Variants in AGO1 observed in about 807,000 individuals in gnomAD.
The protein encoded by AGO1 is protein argonaute-1.
A neutral mutation model predicts 109.2 loss-of-function variants in AGO1; 11 were observed. The observed-to-expected ratio is 0.10, with a 90% confidence interval of 0.06 to 0.17. The LOEUF is 0.17. AGO1 is among the 10% of genes least tolerant of loss of function. AGO1 has a pLI of 1.00. For synonymous variants in AGO1, 422 were observed against 418.6 expected (o/e 1.01, Z -0.10); for missense variants, 574 against 1,140.3 (o/e 0.50, Z 7.15).
intron 1 of AGO1, among the ~76,000 whole-genome samples, chr1:35,878,185 G>A (rs929481875): frequency 2.6e-5 from 4 of 151,860 alleles, no homozygotes; most frequent in Non-Finnish European, 4.4e-5. Flanking sequence ...CCGGATTCAC[G>A]CCATTCTCCT....
In AGO1 at chr1:35,928,006, C is replaced by G. The variant is rs1645962442; in HGVS notation, c.*8399C>G. On this transcript the variant is annotated 3_prime_UTR_variant, in exon 19 of 19. Coordinates refer to ENST00000373204, the MANE Select transcript of AGO1 (RefSeq NM_012199.5). ...GAGGATTGTACTCAGTTGCTCTCCT[C>G]ATCCAGTGATGTTTCTTGTCTAACA... is the stretch of plus-strand genomic sequence containing the variant. 6.6e-6 allele frequency: 1 copy of G among 152,176 alleles called. No homozygotes were observed. The highest frequency in any genetic ancestry group is 2.1e-4 in the South Asian group (1 of 4,826). The allele number at this position is 152,176 out of a possible 1,614,324, so 9.4% of individuals were successfully genotyped here.
chr1:35,918,501 C>A, intron 17 of AGO1, 78 bp downstream of exon 17: 1 of 1,128,298 alleles, frequency 8.9e-7, no homozygotes, highest in Non-Finnish European at 1.4e-6. Flanking sequence ...ATGTATCAGT[C>A]ATCACTGAAT....
Position 35,901,811 on chromosome 1 carries a change from C to A in AGO1, c.1141-137C>A, listed in dbSNP as rs900490121. ...TGTGTTATTCCCTCACTTCCCTCATCTTCCACTTTCTCTCTCTTTTTAGGA... is the reference window on the plus strand; with the variant it reads ...TGTGTTATTCCCTCACTTCCCTCATATTCCACTTTCTCTCTCTTTTTAGGA... On this transcript the variant is annotated intron_variant, in intron 9 of 18. Transcript: ENST00000373204. The surrounding 1 kb of genome is among the most constrained non-coding windows in gnomAD (Gnocchi z 4.8). 2 of 1,362,688 alleles carry A rather than the reference C, an allele frequency of 1.5e-6. No homozygotes were observed. The highest frequency in any genetic ancestry group is 2.0e-6 in the Non-Finnish European group (2 of 997,560). The allele number at this position is 1,362,688 out of a possible 1,614,324, so 84.4% of individuals were successfully genotyped here.
intron 1 of AGO1, chr1:35,869,941 G>T (rs1182558153): frequency 6.6e-6 from 1 of 152,242 alleles, no homozygotes; most frequent in Non-Finnish European, 1.5e-5. Flanking sequence ...TAAAGCAGCA[G>T]TTTGTAGCTG....
At position 35,921,224 on chromosome 1, in the gene AGO1, G is replaced by A. The variant is rs1645826076; in HGVS notation, c.*1617G>A. The A allele has an allele frequency of 6.7e-6, 1 of 149,162 alleles. No individual in the cohort carries two copies. Among genetic ancestry groups the A allele is most frequent in the Admixed American group, 6.8e-5 (1 of 14,730 alleles). 9.2% of individuals were successfully genotyped at this position (149,162 alleles called of 1,614,324 possible). ...AATTTTGCTGCTCCCTATTGCTTCTGTTTACAAAAATGAATTTTTCCTGGT... is the reference window on the plus strand; with the variant it reads ...AATTTTGCTGCTCCCTATTGCTTCTATTTACAAAAATGAATTTTTCCTGGT... On this transcript the variant is annotated 3_prime_UTR_variant, in exon 19 of 19. Coordinates refer to ENST00000373204, the MANE Select transcript of AGO1 (RefSeq NM_012199.5).
At position 35,928,900 on chromosome 1, in the gene AGO1, T is replaced by G. The variant is rs898460552; in HGVS notation, c.*9293T>G. 1 of 152,236 alleles carries G rather than the reference T, an allele frequency of 6.6e-6. No homozygotes were observed. Among genetic ancestry groups the G allele is most frequent in the African/African-American group, 2.4e-5 (1 of 41,452 alleles). The allele number at this position is 152,236 out of a possible 1,614,324, so 9.4% of individuals were successfully genotyped here. A position where few individuals can be genotyped will look rare whatever the true frequency, so the allele number is the denominator to read the frequency against. ...TCTGCACCTGAGATTTTGTACTATT[T>G]CTGTATTTCTTTCTTCTCAGAACAA... is the stretch of plus-strand genomic sequence containing the variant. On this transcript the variant is annotated 3_prime_UTR_variant, in exon 19 of 19. Transcript: ENST00000373204.
chr1:35,917,304 GGTTC>G (rs1375064937), intron 15 of AGO1, among the ~76,000 whole-genome samples: 1 of 152,146 alleles, frequency 6.6e-6, no homozygotes, highest in Non-Finnish European at 1.5e-5. Flanking sequence ...TGTGAACCTT[GGTTC>G]TGTGTCTTGG....
intron 1 of AGO1, among the ~76,000 whole-genome samples, chr1:35,876,411 C>T (rs1571333013): frequency 2.6e-5 from 4 of 151,904 alleles, no homozygotes; most frequent in South Asian, 2.1e-4. Flanking sequence ...GGACTACAGG[C>T]GCCTGCCACC....
At chr1:35,892,494 A>G in intron 2 of AGO1, 63 bp from the exon 3 acceptor site, 1 of 1,611,972 alleles carries the variant, frequency 6.2e-7, no homozygotes, top group Non-Finnish European at 8.5e-7. Flanking sequence ...ACTTTGAATT[A>G]CTTCCAAAAC....
chr1:35,907,414 TAGGAGTGCGTTCCTGTCCTC>T (rs976376164), intron 12 of AGO1, among the ~76,000 whole-genome samples: 20 of 152,048 alleles, frequency 1.3e-4, no homozygotes, highest in African/African-American at 4.6e-4. Context: ...TTCCTGTCCT[TAGGAGTGCGTTCCTGTCCTC>T]AGGAGTGCAT....
At position 35,903,935 on chromosome 1, in the gene AGO1, C is replaced by A. The variant is rs780366064; in HGVS notation, c.1397+1598C>A. Among the ~76,000 whole-genome samples the A allele has an allele frequency of 1.8e-3, 267 of 151,122 alleles. 1 individual carries two copies. Among genetic ancestry groups the A allele is most frequent in the Middle Eastern group, 3.4e-3 (1 of 290 alleles). On this transcript the variant is annotated intron_variant, in intron 11 of 18. Coordinates refer to ENST00000373204, the MANE Select transcript of AGO1 (RefSeq NM_012199.5). ...CTAAGGTTGTGCCACTGCCCTCCAACGTGGTAACAAAGCGAGACTCCATCT... is the reference window on the plus strand; with the variant it reads ...CTAAGGTTGTGCCACTGCCCTCCAAAGTGGTAACAAAGCGAGACTCCATCT...
At position 35,922,962 on chromosome 1, in the gene AGO1, A is replaced by T. The variant is rs1280900615; in HGVS notation, c.*3355A>T. On this transcript the variant is annotated 3_prime_UTR_variant, in exon 19 of 19. Coordinates refer to ENST00000373204, the MANE Select transcript of AGO1 (RefSeq NM_012199.5). ...TGTCTTAGGGTTGAGCTATTTGGGT[A>T]TCCTGGGTTTGAGTGTTAGGGGATG... 6.6e-6 allele frequency: 1 copy of T among 152,218 alleles called. No homozygotes were observed. Among genetic ancestry groups the T allele is most frequent in the Non-Finnish European group, 1.5e-5 (1 of 68,076 alleles). The allele number at this position is 152,218 out of a possible 1,614,324, so 9.4% of individuals were successfully genotyped here.
intron 11 of AGO1, among the ~76,000 whole-genome samples, chr1:35,906,513 A>G (rs147209337): frequency 1.1e-4 from 16 of 152,308 alleles, no homozygotes; most frequent in African/African-American, 3.6e-4. Flanking sequence ...CATTCATGTT[A>G]GAATCTCAGT....
chr1:35,902,097 T>A (rs773319872), intron 10 of AGO1, 27 bp downstream of exon 10: 4 of 1,588,966 alleles, frequency 2.5e-6, no homozygotes, highest in Non-Finnish European at 3.4e-6. Flanking sequence ...CCAGACAACA[T>A]CTCGGGGCAT....
At chr1:35,909,123 ACTTT>A (rs1645585288) in intron 12 of AGO1, among the ~76,000 whole-genome samples, 1 of 152,024 alleles carries the variant, frequency 6.6e-6, no homozygotes, top group Admixed American at 6.5e-5. Flanking sequence ...CTGCCTTAAG[ACTTT>A]CTTGAATGGG....
At chr1:35,918,115 C>T (rs3738356) in intron 16 of AGO1, among the ~76,000 whole-genome samples, 13,207 of 152,214 alleles carry the variant, frequency 0.087, 2,027 homozygotes, top group East Asian at 0.68. Flanking sequence ...AAAGGTTAAA[C>T]GACTTGCTAA....
intron 17 of AGO1, among the ~76,000 whole-genome samples, chr1:35,918,643 G>C (rs1226282868): frequency 2.0e-5 from 3 of 152,202 alleles, no homozygotes; most frequent in Non-Finnish European, 4.4e-5. Flanking sequence ...CACCTTCTGG[G>C]TTTAAGCAGT....
At chr1:35,876,368 A>G (rs897025752) in intron 1 of AGO1, among the ~76,000 whole-genome samples, 3 of 151,298 alleles carry the variant, frequency 2.0e-5, no homozygotes, top group Non-Finnish European at 4.4e-5. Context: ...CTGGGTTCAC[A>G]CCATTCTCCT....
intron 16 of AGO1, among the ~76,000 whole-genome samples, 152 bp from the exon 17 acceptor site, chr1:35,918,167 TTTA>T (rs1323650748): frequency 1.3e-5 from 2 of 152,338 alleles, no homozygotes; most frequent in Non-Finnish European, 2.9e-5. Context: ...TCTGTGTGAC[TTTA>T]GAAGCATATT....
Sources: gnomAD v4.1 joint callset for allele counts (sites outside exome capture counted in the v4.1 genomes callset) on GRCh38, gnomAD v4.1.1 for gene constraint, Gnocchi (gnomAD v3.1) non-coding constraint, MANE v1.5 for transcripts, NCBI Gene and HGNC (gene_info 2026-07-23, HGNC 2026-07-21) for gene names.